SETD5: variants seen among roughly 807,000 people sequenced by gnomAD.
The protein encoded by SETD5 is SET domain containing 5, also known as histone-lysine N-methyltransferase SETD5.
A neutral mutation model predicts 153.3 loss-of-function variants in SETD5; 44 were observed. That is an observed-to-expected ratio of 0.29 (90% CI 0.23 to 0.37). The LOEUF (loss-of-function observed/expected upper bound fraction) is 0.37. Ranked by LOEUF, SETD5 falls within the 10% of genes least tolerant of loss-of-function variation. The pLI, the probability that SETD5 is intolerant of heterozygous loss-of-function variation, is 1.00. For missense variants in SETD5, 1,544 were observed against 1,768.0 expected, an observed-to-expected ratio of 0.87 and a Z score of 2.27; for synonymous variants, 716 against 645.2, an observed-to-expected ratio of 1.11 and a Z score of -1.66.
chr3:9,407,726 T>C (rs7650141), intron 1 of SETD5, among the ~76,000 whole-genome samples: 42,617 of 152,068 alleles, frequency 0.28, 7,325 homozygotes, highest in African/African-American at 0.48. Flanking sequence ...TTTGGCTGGG[T>C]GCGGTGGCTC....
chr3:9,419,644 A>T (rs892477816), intron 1 of SETD5, among the ~76,000 whole-genome samples: 1 of 152,236 alleles, frequency 6.6e-6, no homozygotes, highest in East Asian at 1.9e-4. Flanking sequence ...CAAGCTATAT[A>T]TTAACATCTT....
chr3:9,446,428 T>G (rs576379564), intron 13 of SETD5, among the ~76,000 whole-genome samples: 3 of 152,046 alleles, frequency 2.0e-5, no homozygotes, highest in Non-Finnish European at 4.4e-5. Context: ...TTTAGTCATA[T>G]GAACTAAAAT....
At chr3:9,433,787 T>C in intron 3 of SETD5, 58 bp from the exon 4 acceptor site, 1 of 1,522,072 alleles carries the variant, frequency 6.6e-7, no homozygotes, top group South Asian at 1.1e-5. Context: ...AATGAAGTGT[T>C]AGTTTAAGGG....
chr3:9,460,203 CT>C (rs780075793), intron 17 of SETD5, among the ~76,000 whole-genome samples: 3 of 150,860 alleles, frequency 2.0e-5, no homozygotes, highest in Non-Finnish European at 3.0e-5. Flanking sequence ...AGTATGTAAA[CT>C]TTTTAAATGT....
rs1048421951 is a variant in SETD5, at chr3:9,402,221, T to G, written c.-177+4244T>G. On this transcript the variant is annotated intron_variant, in intron 1 of 22. Coordinates refer to ENST00000402198, the MANE Select transcript of SETD5 (RefSeq NM_001080517.3). Reference sequence around the variant, plus strand: ...CAGTAACTTTGGGGGGAGGTGCTGTTAGAAAGCATTACATTGGAGAGAATT... The same window carrying G: ...CAGTAACTTTGGGGGGAGGTGCTGTGAGAAAGCATTACATTGGAGAGAATT... 2.0e-5 allele frequency among the ~76,000 whole-genome samples: 3 copies of G among 152,182 alleles called. No homozygotes were observed. In the South Asian group the frequency reaches 6.2e-4, roughly 32 times the overall value.
At chr3:9,440,038 T>C (rs1489913983) in intron 7 of SETD5, among the ~76,000 whole-genome samples, 2 of 152,174 alleles carry the variant, frequency 1.3e-5, no homozygotes, top group Admixed American at 1.3e-4. Context: ...AACACAGATA[T>C]TCAGTGAGTA....
chr3:9,463,840 A>G (rs1402637153), intron 17 of SETD5, among the ~76,000 whole-genome samples: 1 of 152,210 alleles, frequency 6.6e-6, no homozygotes, highest in East Asian at 1.9e-4. Context: ...CTCAATGTAA[A>G]AGAAAGAACT....
chr3:9,460,731 TGCTG>T (rs1434987872), intron 17 of SETD5, among the ~76,000 whole-genome samples: 1 of 152,172 alleles, frequency 6.6e-6, no homozygotes, highest in Admixed American at 6.5e-5. Flanking sequence ...TGGAAGAAGG[TGCTG>T]GCTATTTGTT....
chr3:9,457,573 T>G (rs2043416203), intron 17 of SETD5, among the ~76,000 whole-genome samples: 1 of 150,790 alleles, frequency 6.6e-6, no homozygotes, highest in Non-Finnish European at 1.5e-5. Flanking sequence ...AGTGTAAATA[T>G]ATTTTAAAAA....
In SETD5 at chr3:9,473,321, G is replaced by A. The variant is rs769766407; in HGVS notation, c.3281G>A (p.Ser1094Asn). 2 of 1,613,998 alleles carry A rather than the reference G, an allele frequency of 1.2e-6. No homozygotes were observed. The highest frequency in any genetic ancestry group is 3.3e-5 in the Admixed American group (2 of 60,010). The change falls in exon 20 of 23, where the codon AGC becomes AAC. Residue 1094 changes from serine (S) to asparagine (N), a missense_variant. Ser to Asn is a conservative substitution (Grantham distance 46). Coordinates refer to ENST00000402198, the MANE Select transcript of SETD5 (RefSeq NM_001080517.3). ...GGAGGTGACTCTGCACAGAGCAAAAGCAAGTCTGCAGGAGCTGGGCAAGGC... is the reference window on the plus strand; with the variant it reads ...GGAGGTGACTCTGCACAGAGCAAAAACAAGTCTGCAGGAGCTGGGCAAGGC... ...GGGGDSAQSK[S>N]KSAGAGQGSS...
chr3:9,469,266 C>T (rs1045165969), intron 18 of SETD5, among the ~76,000 whole-genome samples: 4 of 152,076 alleles, frequency 2.6e-5, no homozygotes, highest in African/African-American at 7.2e-5. Flanking sequence ...TCTCACAAAC[C>T]CTACTGCTGT....
Position 9,476,099 on chromosome 3 carries a change from G to A in SETD5, c.*8G>A, listed in dbSNP as rs1329713055. The A allele has an allele frequency of 1.2e-6, 2 of 1,609,714 alleles. No individual in the cohort carries two copies. The highest frequency in any genetic ancestry group is 1.7e-4 in the Middle Eastern group (1 of 6,056). ...CAGACGGGACTTTCCTAGGGCTTCT[G>A]GATTTGGGCAAACAGAACTGAATGA... On this transcript the variant is annotated 3_prime_UTR_variant, in exon 23 of 23. Transcript: ENST00000402198.
chr3:9,451,755 A>G (rs1307612215), intron 16 of SETD5, among the ~76,000 whole-genome samples: 4 of 152,188 alleles, frequency 2.6e-5, no homozygotes, highest in Non-Finnish European at 4.4e-5. Flanking sequence ...CTCACAGCCA[A>G]GTGTCAAGCC....
intron 3 of SETD5, 151 bp downstream of exon 3, chr3:9,429,160 A>G (rs2039662060): frequency 4.8e-6 from 2 of 413,098 alleles, no homozygotes; most frequent in Non-Finnish European, 8.4e-6. Context: ...ACCCCCATTG[A>G]AGGTGGTGGA....
chr3:9,405,159 A>G (rs1204597537), intron 1 of SETD5, among the ~76,000 whole-genome samples: 2 of 152,184 alleles, frequency 1.3e-5, no homozygotes, highest in African/African-American at 2.4e-5. Context: ...TTGATAAACC[A>G]TTTCAGATTC....
rs1409630716 is a variant in SETD5, at chr3:9,464,512, C to G, written c.2564C>G (p.Thr855Arg). ...TTACTTCGGCCTCTGTCTCCAGTCA[C>G]ACCACCCCCTCCCAATTCAGGCTCA... ...TKLLRPLSPV[T>R]PPPPNSGSKS... The change falls in exon 18 of 23, where the codon ACA becomes AGA. Residue 855 changes from threonine to arginine, a missense_variant. Coordinates refer to ENST00000402198, the MANE Select transcript of SETD5 (RefSeq NM_001080517.3). 1 of 1,613,900 alleles carries G rather than the reference C, an allele frequency of 6.2e-7. No individual in the cohort carries two copies. Among genetic ancestry groups the G allele is most frequent in the Non-Finnish European group, 8.5e-7 (1 of 1,179,890 alleles).
chr3:9,455,517 C>T (rs1043945471), intron 17 of SETD5, among the ~76,000 whole-genome samples: 1 of 152,062 alleles, frequency 6.6e-6, no homozygotes, highest in Non-Finnish European at 1.5e-5. Context: ...TTCCAGTTAT[C>T]TGAAAGATAA....
intron 17 of SETD5, among the ~76,000 whole-genome samples, chr3:9,460,494 G>A (rs557709902): frequency 1.3e-3 from 192 of 150,518 alleles, no homozygotes; most frequent in Non-Finnish European, 1.9e-3. Context: ...TTCATTGCTA[G>A]AATAGCTAAA....
intron 16 of SETD5, among the ~76,000 whole-genome samples, chr3:9,450,697 CAGAT>C (rs1331080207): frequency 1.3e-5 from 2 of 152,000 alleles, no homozygotes; most frequent in African/African-American, 4.8e-5. Flanking sequence ...ATAAGTTAAT[CAGAT>C]AGATAAGAAA....
Sources: allele counts gnomAD v4.1 joint callset (sites outside exome capture counted in the v4.1 genomes callset), GRCh38; gene constraint gnomAD v4.1.1; transcripts MANE v1.5; gene names NCBI Gene and HGNC (gene_info 2026-07-23, HGNC 2026-07-21).